The following GEMIN8 variants were observed in gnomAD, a reference collection of about 807,000 sequenced individuals.
The protein encoded by GEMIN8 is gem-associated protein 8.
For missense variants in GEMIN8, 185 were observed against 205.9 expected (o/e 0.90, Z 0.62); for synonymous variants, 80 against 78.5 (o/e 1.02, Z -0.10).
At chrX:14,023,403 G>A (rs1235494919) in intron 2 of GEMIN8, among the ~76,000 whole-genome samples, 3 of 104,332 alleles carry the variant, frequency 2.9e-5, no homozygotes, top group African/African-American at 7.1e-5. Flanking sequence ...TTTTTGAGAC[G>A]AAGTCTCACA....
the GEMIN8 span, among the ~76,000 whole-genome samples, chrX:13,992,080 T>C: frequency 8.9e-6 from 1 of 112,526 alleles, no homozygotes; most frequent in African/African-American, 3.2e-5. Flanking sequence ...ACATCCTCAT[T>C]CATGAAGCCT....
rs760350635 is a variant in GEMIN8 at position 14,020,558 on chromosome X, G to A, written c.16-24C>T. 5.2e-6 allele frequency: 5 copies of A among 956,980 alleles called. No homozygotes were observed. In the African/African-American group the frequency reaches 7.7e-5, roughly 15 times the overall value. 78.9% of individuals were successfully genotyped at this position (956,980 alleles called of 1,213,427 possible). On this transcript the variant is annotated intron_variant, in intron 3 of 4. Transcript: ENST00000680255. ...GCCTACAAAATGAAAGGAGGTGGAGGGTGGACACCAAAGTGTTTATTATCC... is the reference window on the plus strand; with the variant it reads ...GCCTACAAAATGAAAGGAGGTGGAGAGTGGACACCAAAGTGTTTATTATCC...
chrX:13,994,133 C>G, the GEMIN8 span, among the ~76,000 whole-genome samples: 1 of 111,864 alleles, frequency 8.9e-6, no homozygotes, highest in African/African-American at 3.3e-5. Flanking sequence ...ATGGCTGGGC[C>G]CCGATGACCA....
chrX:14,010,746 A>G (rs1207727768), intron 4 of GEMIN8, among the ~76,000 whole-genome samples: 3 of 112,211 alleles, frequency 2.7e-5, no homozygotes, highest in Non-Finnish European at 3.8e-5. Flanking sequence ...AATAAGCCCA[A>G]TGACTATCAA....
chrX:13,998,879 C>A, the GEMIN8 span, among the ~76,000 whole-genome samples: 1 of 112,028 alleles, frequency 8.9e-6, no homozygotes, highest in Non-Finnish European at 1.9e-5. Flanking sequence ...ATATTACATA[C>A]CTTGTAAAGG....
the GEMIN8 span, among the ~76,000 whole-genome samples, chrX:13,991,509 G>A: frequency 2.7e-5 from 3 of 111,493 alleles, no homozygotes; most frequent in African/African-American, 9.8e-5. Flanking sequence ...TGGACTTTCA[G>A]GGCCTCTGTC....
At chrX:14,001,221 G>C in the GEMIN8 span, among the ~76,000 whole-genome samples, 1 of 111,872 alleles carries the variant, frequency 8.9e-6, no homozygotes, top group African/African-American at 3.3e-5. Context: ...CCCATGCCCT[G>C]TCACTGGAGC....
At chrX:14,016,632 G>T (rs1437425386) in intron 4 of GEMIN8, among the ~76,000 whole-genome samples, 1 of 106,557 alleles carries the variant, frequency 9.4e-6, no homozygotes, top group Non-Finnish European at 1.9e-5. Context: ...ATCACCTGAG[G>T]TCAGGAGTTC....
chrX:14,022,048 GTA>G (rs200349028), intron 2 of GEMIN8, among the ~76,000 whole-genome samples: 13 of 99,882 alleles, frequency 1.3e-4, no homozygotes, highest in East Asian at 3.2e-4. Context: ...TATATAATGT[GTA>G]TATATATGTG....
At chrX:14,026,513 A>G in intron 1 of GEMIN8, 1 of 254,826 alleles carries the variant, frequency 3.9e-6, no homozygotes, top group Non-Finnish European at 5.5e-6. Context: ...ACTTCAGTAC[A>G]TCTGCTCATC....
At chrX:13,986,100 A>G in the GEMIN8 span, among the ~76,000 whole-genome samples, 1 of 112,466 alleles carries the variant, frequency 8.9e-6, no homozygotes, top group Non-Finnish European at 1.9e-5. Flanking sequence ...CAAACTTGAA[A>G]CATCTTATGA....
At chrX:14,021,814 G>GTGTATATATATATATATATATA (rs372889181) in intron 2 of GEMIN8, among the ~76,000 whole-genome samples, 1 of 78,287 alleles carries the variant, frequency 1.3e-5, no homozygotes, top group African/African-American at 5.2e-5. Flanking sequence ...TAATGTGTGT[G>GTGTATATATATATATATATATA]TATATATATA....
In GEMIN8 at chrX:14,007,204, G is replaced by C. The variant is rs1923207967; in HGVS notation, c.*1709C>G. Among the ~76,000 whole-genome samples the C allele has an allele frequency of 9.0e-6, 1 of 111,685 alleles. No individual in the cohort carries two copies. The highest frequency in any genetic ancestry group is 3.3e-5 in the African/African-American group (1 of 30,727). ...AGAGCTTAGAAAAATAAGCACCCAG[G>C]GCTGATGAAAATAATGCATTTGTCT... On this transcript the variant is annotated 3_prime_UTR_variant, in exon 5 of 5. Transcript: ENST00000680255.
intron 4 of GEMIN8, among the ~76,000 whole-genome samples, chrX:14,010,105 C>T (rs1031840322): frequency 7.1e-5 from 8 of 112,001 alleles, no homozygotes; most frequent in East Asian, 5.6e-4. Flanking sequence ...TTTCTCACTA[C>T]GGGATTTGAC....
At chrX:14,009,749 C>A (rs758917988) in intron 4 of GEMIN8, among the ~76,000 whole-genome samples, 107 of 111,649 alleles carry the variant, frequency 9.6e-4, no homozygotes, top group African/African-American at 3.3e-3. Context: ...CTGCCCCAGG[C>A]CAGCAGGGAA....
At chrX:13,992,862 T>A in the GEMIN8 span, among the ~76,000 whole-genome samples, 1 of 111,462 alleles carries the variant, frequency 9.0e-6, no homozygotes, top group African/African-American at 3.3e-5. Context: ...GCAAAGGCAG[T>A]TAGGAAGCTA....
At chrX:13,998,711 C>T in the GEMIN8 span, among the ~76,000 whole-genome samples, 18 of 111,750 alleles carry the variant, frequency 1.6e-4, no homozygotes, top group Non-Finnish European at 3.2e-4. Context: ...GCCTCGACCT[C>T]CCAAAGTGTT....
chrX:14,017,528 T>C (rs986802770), intron 4 of GEMIN8, among the ~76,000 whole-genome samples: 42 of 111,973 alleles, frequency 3.8e-4, no homozygotes, highest in African/African-American at 1.2e-3. Flanking sequence ...AAGTACCATA[T>C]ACTGGGTGGT....
chrX:14,015,981 T>A (rs1197568467), intron 4 of GEMIN8, among the ~76,000 whole-genome samples: 2 of 91,736 alleles, frequency 2.2e-5, no homozygotes, highest in Non-Finnish European at 4.4e-5. Flanking sequence ...CCATCATTCA[T>A]TACCGCTTGA....
Sources: allele counts gnomAD v4.1 joint callset (sites outside exome capture counted in the v4.1 genomes callset), GRCh38; gene constraint gnomAD v4.1.1; transcripts MANE v1.5; gene names NCBI Gene and HGNC (gene_info 2026-07-23, HGNC 2026-07-21).